SLC2A13: variants seen among roughly 807,000 people sequenced by gnomAD.
SLC2A13 encodes the protein solute carrier family 2 member 13.
In SLC2A13, 32 loss-of-function variants were observed where a neutral mutation model predicts 64.4. The observed-to-expected ratio is 0.50, with a 90% CI of 0.37 to 0.67. SLC2A13 has a LOEUF of 0.67. SLC2A13 is among the 30% of genes least tolerant of loss of function. The pLI is 0.00. For synonymous variants in SLC2A13, 338 were observed against 327.1 expected (o/e 1.03, Z -0.36); for missense variants, 743 against 829.2 (o/e 0.90, Z 1.28).
intron 4 of SLC2A13, among the ~76,000 whole-genome samples, chr12:39,925,780 A>G (rs1945717773): frequency 6.6e-6 from 1 of 152,276 alleles, no homozygotes; most frequent in Admixed American, 6.5e-5. Context: ...ATTTTCCTCT[A>G]TATCTGTCTA....
chr12:39,943,841 A>G (rs1946085261), intron 4 of SLC2A13, among the ~76,000 whole-genome samples: 1 of 152,128 alleles, frequency 6.6e-6, no homozygotes, highest in Non-Finnish European at 1.5e-5. Context: ...TTCCCTTGGG[A>G]GCCTACACCA....
intron 2 of SLC2A13, among the ~76,000 whole-genome samples, chr12:40,040,049 T>C (rs1183200269): frequency 1.3e-5 from 2 of 152,230 alleles, no homozygotes; most frequent in South Asian, 2.1e-4. Flanking sequence ...TACCAAACCA[T>C]GTTTACATTT....
At chr12:39,922,783 C>T (rs952315652) in intron 4 of SLC2A13, among the ~76,000 whole-genome samples, 5 of 151,556 alleles carry the variant, frequency 3.3e-5, no homozygotes, top group Admixed American at 1.3e-4. Flanking sequence ...TTTAGATAAG[C>T]TAGTCTTACA....
chr12:39,770,150 T>G (rs923604855), intron 7 of SLC2A13, among the ~76,000 whole-genome samples: 2 of 152,096 alleles, frequency 1.3e-5, no homozygotes. Context: ...TAAGGTTCTA[T>G]TTTGGGACCT....
chr12:40,076,822 C>A (rs1404462398), intron 1 of SLC2A13, among the ~76,000 whole-genome samples: 1 of 151,900 alleles, frequency 6.6e-6, no homozygotes, highest in Admixed American at 6.6e-5. Context: ...TTTTCGTATG[C>A]TTTTTGTTTT....
At chr12:39,809,673 C>G (rs1451408457) in intron 7 of SLC2A13, among the ~76,000 whole-genome samples, 1 of 152,234 alleles carries the variant, frequency 6.6e-6, no homozygotes, top group African/African-American at 2.4e-5. Context: ...CACCCCACAA[C>G]AGTCTCTGGT....
intron 4 of SLC2A13, 79 bp from the exon 5 acceptor site, chr12:39,872,040 T>A: frequency 2.4e-6 from 3 of 1,257,418 alleles, no homozygotes. Flanking sequence ...AAAGATGTAT[T>A]CAATTTGAAA....
chr12:39,993,124 G>A (rs1451608332), intron 3 of SLC2A13, among the ~76,000 whole-genome samples: 3 of 152,100 alleles, frequency 2.0e-5, no homozygotes, highest in African/African-American at 7.2e-5. Context: ...CATTTAAGAG[G>A]AATAATATTG....
intron 6 of SLC2A13, among the ~76,000 whole-genome samples, chr12:39,852,142 T>G (rs1264841006): frequency 6.6e-6 from 1 of 152,130 alleles, no homozygotes; most frequent in East Asian, 1.9e-4. Context: ...TGTTATGAGG[T>G]TTGTATAAAA....
At chr12:40,075,818 AT>A (rs1237543125) in intron 1 of SLC2A13, among the ~76,000 whole-genome samples, 3 of 151,700 alleles carry the variant, frequency 2.0e-5, no homozygotes, top group African/African-American at 7.3e-5. Context: ...GGTAATTTCT[AT>A]TGTTTGAATT....
At chr12:39,946,259 T>C (rs1400919633) in intron 4 of SLC2A13, among the ~76,000 whole-genome samples, 1 of 152,152 alleles carries the variant, frequency 6.6e-6, no homozygotes, top group Non-Finnish European at 1.5e-5. Context: ...CAGTGGAGGT[T>C]GTGGGGAGCA....
rs994237299 is a variant in SLC2A13 at position 39,756,696 on chromosome 12, G to A, written c.*3330C>T. 1 of 151,540 alleles carries A rather than the reference G, an allele frequency of 6.6e-6. No homozygotes were observed. Among genetic ancestry groups the A allele is most frequent in the Non-Finnish European group, 1.5e-5 (1 of 67,636 alleles). The allele number at this position is 151,540 out of a possible 1,614,324, so 9.4% of individuals were successfully genotyped here. A position where few individuals can be genotyped will look rare whatever the true frequency, so the allele number is the denominator to read the frequency against. ...TTATTTTGTTGTTAAAAAGCAAAAG[G>A]GTAAGTTGTCAGCTTATATTTTTCC... On this transcript the variant is annotated 3_prime_UTR_variant, in exon 10 of 10. Coordinates refer to ENST00000280871, the MANE Select transcript of SLC2A13 (RefSeq NM_052885.4).
At chr12:39,942,759 C>T (rs1165460409) in intron 4 of SLC2A13, among the ~76,000 whole-genome samples, 1 of 152,176 alleles carries the variant, frequency 6.6e-6, no homozygotes, top group East Asian at 1.9e-4. Context: ...CTACTTCTGT[C>T]AATTCATCAA....
At chr12:39,849,794 T>C (rs997457660) in intron 6 of SLC2A13, among the ~76,000 whole-genome samples, 30 of 152,188 alleles carry the variant, frequency 2.0e-4, no homozygotes, top group African/African-American at 6.8e-4. Context: ...AAGGCTTTAA[T>C]ATTTCAAGGT....
chr12:39,769,675 T>C (rs1368303430), intron 7 of SLC2A13, among the ~76,000 whole-genome samples: 1 of 151,964 alleles, frequency 6.6e-6, no homozygotes, highest in Non-Finnish European at 1.5e-5. Flanking sequence ...ATATCTCTTC[T>C]TTTCCTGCCC....
chr12:39,829,225 C>G (rs1942778578), intron 7 of SLC2A13, among the ~76,000 whole-genome samples: 1 of 151,590 alleles, frequency 6.6e-6, no homozygotes, highest in African/African-American at 2.4e-5. Context: ...TTCATTTATG[C>G]ATGTACTACA....
At chr12:39,937,738 A>C (rs1453849252) in intron 4 of SLC2A13, among the ~76,000 whole-genome samples, 2 of 152,200 alleles carry the variant, frequency 1.3e-5, no homozygotes. Flanking sequence ...GCATGACAAA[A>C]GGATTTGACA....
At chr12:39,838,828 C>T (rs746332516) in intron 6 of SLC2A13, among the ~76,000 whole-genome samples, 92 of 152,002 alleles carry the variant, frequency 6.1e-4, no homozygotes, top group Non-Finnish European at 1.2e-3. Context: ...GTGAACTCAG[C>T]CCTCTGCAAA....
intron 1 of SLC2A13, chr12:40,068,392 C>T: frequency 3.1e-6 from 1 of 324,550 alleles, no homozygotes. Flanking sequence ...CCAGTTTAGG[C>T]CAACATGGTG....
Sources: gnomAD v4.1 joint callset for allele counts (sites outside exome capture counted in the v4.1 genomes callset) on GRCh38, gnomAD v4.1.1 for gene constraint, MANE v1.5 for transcripts, NCBI Gene and HGNC (gene_info 2026-07-23, HGNC 2026-07-21) for gene names.